Variants in NUBPL observed in about 807,000 individuals in gnomAD.
NUBPL encodes the protein NUBP iron-sulfur cluster assembly factor, mitochondrial.
A neutral mutation model predicts 45.7 loss-of-function variants in NUBPL; 31 were observed. The ratio of observed to expected loss-of-function variants is 0.68; its 90% CI spans 0.51 to 0.92. The LOEUF (loss-of-function observed/expected upper bound fraction) is 0.92, where lower values mean the gene tolerates loss of function less well. Among genes scored for constraint, NUBPL ranks in the 40% least tolerant of loss-of-function variants. NUBPL has a pLI of 0.00. For missense variants in NUBPL, 401 were observed against 398.7 expected (o/e 1.01, Z -0.05); for synonymous variants, 144 against 140.9 (o/e 1.02, Z -0.15).
chr14:31,842,955 C>T (rs1338893279), intron 8 of NUBPL, among the ~76,000 whole-genome samples: 2 of 152,088 alleles, frequency 1.3e-5, no homozygotes, highest in Admixed American at 6.6e-5. Flanking sequence ...TTTCTTTTTA[C>T]ACCTCTATAT....
intron 6 of NUBPL, among the ~76,000 whole-genome samples, chr14:31,719,083 C>T (rs1334877101): frequency 6.6e-6 from 1 of 152,124 alleles, no homozygotes; most frequent in Non-Finnish European, 1.5e-5. Flanking sequence ...ATACATTAGC[C>T]TACATTTGGG....
intron 4 of NUBPL, among the ~76,000 whole-genome samples, chr14:31,605,755 C>CCTCCTT (rs796803984): frequency 3.3e-5 from 5 of 151,104 alleles, no homozygotes; most frequent in Admixed American, 6.7e-5. Context: ...TTCCTTCCTT[C>CCTCCTT]CTCCTTCTCC....
intron 4 of NUBPL, among the ~76,000 whole-genome samples, chr14:31,606,992 T>C (rs554853379): frequency 6.6e-6 from 1 of 152,176 alleles, no homozygotes; most frequent in Non-Finnish European, 1.5e-5. Flanking sequence ...TTTTGTTCTT[T>C]AAAGGGGCAA....
chr14:31,707,706 A>G (rs11850739), intron 6 of NUBPL, among the ~76,000 whole-genome samples: 5,316 of 152,320 alleles, frequency 0.035, 286 homozygotes, highest in African/African-American at 0.12. Context: ...TAGATATTTG[A>G]CCTGCTATAG....
chr14:31,688,221 A>G (rs983562112), intron 6 of NUBPL, among the ~76,000 whole-genome samples: 4 of 152,166 alleles, frequency 2.6e-5, no homozygotes, highest in Non-Finnish European at 5.9e-5. Flanking sequence ...AAAAATATCA[A>G]TGTAACAGGA....
In NUBPL at chr14:31,709,808, C is replaced by G. The variant is rs535769690; in HGVS notation, c.513+36234C>G. Among the ~76,000 whole-genome samples the G allele has an allele frequency of 3.7e-4, 56 of 152,222 alleles. 1 individual carries two copies. Among genetic ancestry groups the G allele is most frequent in the Admixed American group, 3.4e-3 (52 of 15,288 alleles). ...CCGATAGCCCAGGGGTTTTTGTTGT[C>G]CTTTGGAGATTTCTTCGCATATTTC... is the stretch of plus-strand genomic sequence containing the variant. On this transcript the variant is annotated intron_variant, in intron 6 of 10. Transcript: ENST00000281081.
chr14:31,717,203 A>G (rs979440063), intron 6 of NUBPL, among the ~76,000 whole-genome samples: 14 of 152,244 alleles, frequency 9.2e-5, no homozygotes, highest in African/African-American at 3.4e-4. Flanking sequence ...GCAGTTTGAT[A>G]TTCCTGAATT....
intron 6 of NUBPL, among the ~76,000 whole-genome samples, chr14:31,786,019 A>G (rs2039277668): frequency 6.6e-6 from 1 of 152,112 alleles, no homozygotes; most frequent in Non-Finnish European, 1.5e-5. Context: ...TTGACCAGGC[A>G]TGGTGGCACA....
At chr14:31,736,785 T>C (rs368815853) in intron 6 of NUBPL, among the ~76,000 whole-genome samples, 13 of 152,334 alleles carry the variant, frequency 8.5e-5, no homozygotes, top group African/African-American at 2.9e-4. Context: ...CAAGCAGTTT[T>C]CTAAGGTAAT....
At chr14:31,832,657 T>A (rs1323538227) in intron 8 of NUBPL, among the ~76,000 whole-genome samples, 1 of 152,224 alleles carries the variant, frequency 6.6e-6, no homozygotes, top group African/African-American at 2.4e-5. Flanking sequence ...TATTCTTTTG[T>A]GGTTTCAAAT....
At chr14:31,714,832 G>A (rs914383915) in intron 6 of NUBPL, 2 of 152,184 alleles carry the variant, frequency 1.3e-5, no homozygotes, top group African/African-American at 4.8e-5. Flanking sequence ...AATAGTTTAA[G>A]CATTGTTAGG....
chr14:31,592,867 T>C (rs1357040737), intron 3 of NUBPL, among the ~76,000 whole-genome samples: 1 of 152,176 alleles, frequency 6.6e-6, no homozygotes, highest in Non-Finnish European at 1.5e-5. Flanking sequence ...TGTAACTACC[T>C]ACTCTTCTAG....
intron 3 of NUBPL, among the ~76,000 whole-genome samples, chr14:31,576,361 A>G (rs72674828): frequency 0.044 from 6,646 of 152,280 alleles, 205 homozygotes; most frequent in Non-Finnish European, 0.061. Flanking sequence ...CCGTGGGCTC[A>G]AGCAATCCTC....
chr14:31,615,914 C>A (rs756607201), intron 4 of NUBPL, among the ~76,000 whole-genome samples: 2 of 152,226 alleles, frequency 1.3e-5, no homozygotes, highest in Non-Finnish European at 2.9e-5. Context: ...CTCCTAGCAA[C>A]AGTGTAAAAG....
At chr14:31,784,469 T>C (rs948945025) in intron 6 of NUBPL, among the ~76,000 whole-genome samples, 1 of 152,160 alleles carries the variant, frequency 6.6e-6, no homozygotes, top group Admixed American at 6.5e-5. Context: ...TTACAAAACA[T>C]TGAAACATTG....
intron 4 of NUBPL, among the ~76,000 whole-genome samples, chr14:31,617,871 C>T (rs1379586341): frequency 6.6e-6 from 1 of 152,074 alleles, no homozygotes; most frequent in Non-Finnish European, 1.5e-5. Context: ...CTCTTTGTAC[C>T]TCTGGTAGAA....
intron 10 of NUBPL, among the ~76,000 whole-genome samples, chr14:31,852,059 A>C (rs944761207): frequency 6.6e-6 from 1 of 152,208 alleles, no homozygotes; most frequent in Admixed American, 6.5e-5. Flanking sequence ...CAGGAAGAGC[A>C]CTAAATCTGA....
chr14:31,763,871 A>G (rs964398599), intron 6 of NUBPL, among the ~76,000 whole-genome samples: 1 of 152,200 alleles, frequency 6.6e-6, no homozygotes, highest in African/African-American at 2.4e-5. Context: ...ACAATTTATA[A>G]TCTAATTAAC....
chr14:31,754,833 T>G (rs2038619484), intron 6 of NUBPL, among the ~76,000 whole-genome samples: 3 of 138,160 alleles, frequency 2.2e-5, no homozygotes, highest in African/African-American at 2.7e-5. Flanking sequence ...TATCTCCTAA[T>G]GCTATCCCTC....
Sources: allele counts gnomAD v4.1 joint callset (sites outside exome capture counted in the v4.1 genomes callset), GRCh38; gene constraint gnomAD v4.1.1; transcripts MANE v1.5; gene names NCBI Gene and HGNC (gene_info 2026-07-23, HGNC 2026-07-21).